ALMS1: variants seen among roughly 807,000 people sequenced by gnomAD.
ALMS1 encodes the protein centrosome-associated protein ALMS1.
ALMS1 carries 271 observed loss-of-function variants against 352.2 expected under a neutral mutation model. The ratio of observed to expected loss-of-function variants is 0.77; its 90% CI spans 0.70 to 0.85. The LOEUF (loss-of-function observed/expected upper bound fraction) is 0.85. Ranked by LOEUF, ALMS1 falls within the 40% of genes least tolerant of loss-of-function variation. The pLI is 0.00. For synonymous variants in ALMS1, 1,865 were observed against 1,761.2 expected (o/e 1.06, Z -1.48); for missense variants, 5,445 against 4,870.7 (o/e 1.12, Z -3.51).
chr2:73,600,370 A>G (rs1675650147), intron 17 of ALMS1, among the ~76,000 whole-genome samples: 1 of 152,162 alleles, frequency 6.6e-6, no homozygotes, highest in African/African-American at 2.4e-5. Flanking sequence ...AGGACTCTTA[A>G]GTATTTATTG....
At chr2:73,496,937 A>G (rs1673119279) in intron 10 of ALMS1, among the ~76,000 whole-genome samples, 1 of 152,152 alleles carries the variant, frequency 6.6e-6, no homozygotes, top group Admixed American at 6.5e-5. Flanking sequence ...AGAGTTCTTA[A>G]TATATTCTGG....
intron 11 of ALMS1, among the ~76,000 whole-genome samples, chr2:73,525,210 A>G (rs1033767045): frequency 6.6e-6 from 1 of 152,210 alleles, no homozygotes; most frequent in Non-Finnish European, 1.5e-5. Flanking sequence ...AATTTTGGCT[A>G]TGGCGAACAG....
chr2:73,603,974 A>G (rs1340150664), intron 21 of ALMS1: 1 of 152,602 alleles, frequency 6.6e-6, no homozygotes, highest in African/African-American at 2.4e-5. Flanking sequence ...GAGAAAGAAC[A>G]GTGTTCTCCA....
In ALMS1 at chr2:73,534,808, ATT is replaced by A. The variant is rs1553414055; in HGVS notation, c.9782-12_9782-11del. The A allele has an allele frequency of 6.2e-7, 1 of 1,612,094 alleles. No homozygotes were observed. ...AATGTTTTTCATATTAATTGTTCTG[ATT>A]TTTACCTCCTTAGGCCAGCCTTTAT... is the stretch of plus-strand genomic sequence containing the variant. On this transcript the variant is annotated splice_polypyrimidine_tract_variant and intron_variant, in intron 11 of 22. Transcript: ENST00000613296.
chr2:73,571,591 G>A (rs1674928676), intron 15 of ALMS1, among the ~76,000 whole-genome samples: 2 of 151,648 alleles, frequency 1.3e-5, no homozygotes, highest in South Asian at 2.1e-4. Flanking sequence ...ATTATATTGG[G>A]GATTATGTTT....
chr2:73,547,469 T>C (rs1674346468), intron 12 of ALMS1, among the ~76,000 whole-genome samples: 1 of 152,218 alleles, frequency 6.6e-6, no homozygotes, highest in Non-Finnish European at 1.5e-5. Context: ...CTTTCCTTCT[T>C]TCTTAAAGTT....
intron 6 of ALMS1, among the ~76,000 whole-genome samples, chr2:73,428,044 GT>G (rs879761707): frequency 1.3e-5 from 2 of 152,066 alleles, no homozygotes; most frequent in African/African-American, 4.8e-5. Flanking sequence ...ATTTATTAAA[GT>G]TTTTTTAACA....
chr2:73,587,731 T>C (rs1024290500), intron 16 of ALMS1, among the ~76,000 whole-genome samples: 6 of 152,242 alleles, frequency 3.9e-5, no homozygotes, highest in Admixed American at 2.6e-4. Context: ...TATTGGTCTT[T>C]TGGTTCTTTG....
intron 10 of ALMS1, among the ~76,000 whole-genome samples, chr2:73,513,989 A>C (rs968562000): frequency 1.3e-5 from 2 of 152,118 alleles, no homozygotes; most frequent in Non-Finnish European, 2.9e-5. Context: ...TTGGGATGGG[A>C]AAGATAAAAG....
At chr2:73,393,027 A>T (rs896113033) in intron 1 of ALMS1, among the ~76,000 whole-genome samples, 1 of 151,976 alleles carries the variant, frequency 6.6e-6, no homozygotes, top group Non-Finnish European at 1.5e-5. Context: ...TTTGATTTGC[A>T]TTTCCCTTAT....
At chr2:73,562,714 C>T (rs1674690808) in intron 15 of ALMS1, among the ~76,000 whole-genome samples, 1 of 151,824 alleles carries the variant, frequency 6.6e-6, no homozygotes, top group South Asian at 2.1e-4. Flanking sequence ...ATGGAGGATC[C>T]CCATATCTAT....
chr2:73,398,520 A>G lies in ALMS1; in HGVS notation c.325-10102A>G, dbSNP rs115872220. ...TTTGATTGGGATTGCGTTGATCTTA[A>G]TAGATCAAGTTGGGAAGAACTGACA... is the stretch of plus-strand genomic sequence containing the variant. On this transcript the variant is annotated intron_variant, in intron 1 of 22. Transcript: ENST00000613296. 2.7e-3 allele frequency among the ~76,000 whole-genome samples: 416 copies of G among 152,312 alleles called. 2 individuals are homozygous for G. The Middle Eastern group carries it at 0.061, about 22-fold the overall frequency.
At chr2:73,598,018 A>G (rs1219037410) in intron 16 of ALMS1, among the ~76,000 whole-genome samples, 1 of 152,214 alleles carries the variant, frequency 6.6e-6, no homozygotes, top group Non-Finnish European at 1.5e-5. Context: ...AAACCCAGTG[A>G]TTGCACACAG....
chr2:73,436,193 T>G (rs901301851), intron 7 of ALMS1, among the ~76,000 whole-genome samples: 19 of 152,250 alleles, frequency 1.2e-4, no homozygotes, highest in Non-Finnish European at 2.5e-4. Flanking sequence ...TTCAGCACTT[T>G]GAATATGTCT....
chr2:73,590,725 C>G (rs1164666131), intron 16 of ALMS1, among the ~76,000 whole-genome samples: 1 of 141,318 alleles, frequency 7.1e-6, no homozygotes, highest in Non-Finnish European at 1.5e-5. Context: ...GTCACCCAGG[C>G]TGGAGTGCAG....
chr2:73,452,741 C>T lies in ALMS1; in HGVS notation c.6214C>T (p.Leu2072=). The change falls in exon 8 of 23, where the codon CTA becomes TTA. Residue 2072 remains leucine (L), a synonymous_variant. Transcript: ENST00000613296. ...AGATAGAGATCAAAGTAAAGGTATT[C>T]TAAAGATTTCAGCTGTCCCTGAACT... is the stretch of plus-strand genomic sequence containing the variant. The part of the protein sequence containing the change: ...LPDRDQSKGI[L]KISAVPELTD... 1 of 1,613,470 alleles carries T rather than the reference C, an allele frequency of 6.2e-7. No individual in the cohort carries two copies. The highest frequency in any genetic ancestry group is 2.2e-5 in the East Asian group (1 of 44,862).
chr2:73,577,904 A>G (rs1272534712), intron 16 of ALMS1, among the ~76,000 whole-genome samples: 1 of 152,136 alleles, frequency 6.6e-6, no homozygotes, highest in Non-Finnish European at 1.5e-5. Context: ...GCTGGTTTAT[A>G]ATGTTGTTCA....
At chr2:73,467,836 A>G (rs1180880017) in intron 9 of ALMS1, among the ~76,000 whole-genome samples, 1 of 152,068 alleles carries the variant, frequency 6.6e-6, no homozygotes, top group Non-Finnish European at 1.5e-5. Context: ...GCCAGACACA[A>G]AGAGTCATAC....
intron 10 of ALMS1, among the ~76,000 whole-genome samples, chr2:73,509,238 G>C (rs1316279163): frequency 6.6e-6 from 1 of 152,038 alleles, no homozygotes; most frequent in African/African-American, 2.4e-5. Flanking sequence ...GGGGCATTTA[G>C]CTCATTTACA....
Sources: allele counts gnomAD v4.1 joint callset (sites outside exome capture counted in the v4.1 genomes callset), GRCh38; gene constraint gnomAD v4.1.1; transcripts MANE v1.5; gene names NCBI Gene and HGNC (gene_info 2026-07-23, HGNC 2026-07-21).